Variants in NEK5 observed in about 807,000 individuals in gnomAD.
NEK5 encodes NIMA related kinase 5.
NEK5 carries 88 observed loss-of-function variants against 109.2 expected under a neutral mutation model. The ratio of observed to expected loss-of-function variants is 0.81; its 90% CI spans 0.68 to 0.96. The LOEUF is 0.96. Ranked by LOEUF, NEK5 falls within the 40% of genes least tolerant of loss-of-function variation. The pLI, the probability that NEK5 is intolerant of heterozygous loss-of-function variation, is 0.00. For missense variants in NEK5, 834 were observed against 920.7 expected (o/e 0.91, Z 1.22); for synonymous variants, 283 against 299.9 (o/e 0.94, Z 0.58).
intron 21 of NEK5, 54 bp downstream of exon 21, chr13:52,065,430 T>G: frequency 6.2e-7 from 1 of 1,613,286 alleles, no homozygotes; most frequent in South Asian, 1.1e-5. Flanking sequence ...AGCACTGGGC[T>G]GTACGGGTCC....
chr13:52,062,509 C>T lies in NEK5; in HGVS notation c.1976-556G>A, dbSNP rs184429843. On this transcript the variant is annotated intron_variant, in intron 21 of 23. Coordinates refer to ENST00000684899, the MANE Select transcript of NEK5 (RefSeq NM_001365552.1). ...GATCTTGGCTCACTGCAACCTCCGC[C>T]GCCCAGGTTCAAGCAATTCTCCTGC... is the stretch of plus-strand genomic sequence containing the variant. Among the ~76,000 whole-genome samples, 364 of 151,968 alleles carry T rather than the reference C, an allele frequency of 2.4e-3. 1 individual carries two copies. The highest frequency in any genetic ancestry group is 3.8e-3 in the Non-Finnish European group (255 of 67,954).
chr13:52,076,346 T>A (rs1954869011), intron 17 of NEK5, among the ~76,000 whole-genome samples: 1 of 152,226 alleles, frequency 6.6e-6, no homozygotes, highest in African/African-American at 2.4e-5. Context: ...GGTGGAATTC[T>A]ATAATGTGAC....
chr13:52,067,591 G>A (rs1014582425), intron 20 of NEK5, among the ~76,000 whole-genome samples: 8 of 151,932 alleles, frequency 5.3e-5, no homozygotes, highest in African/African-American at 1.9e-4. Flanking sequence ...GCATACTTTG[G>A]ACTGTGAGCC....
intron 7 of NEK5, 43 bp from the exon 8 acceptor site, chr13:52,108,447 T>C (rs757621586): frequency 7.8e-7 from 1 of 1,285,048 alleles, no homozygotes. Context: ...GATTTTTTAT[T>C]GGAGTAAGAA....
chr13:52,034,508 T>C lies in NEK5; in HGVS notation c.*2440A>G, dbSNP rs1954339946. 1 of 147,904 alleles carries C rather than the reference T, an allele frequency of 6.8e-6. No individual in the cohort carries two copies. Among genetic ancestry groups the C allele is most frequent in the Non-Finnish European group, 1.5e-5 (1 of 67,016 alleles). The allele number at this position is 147,904 out of a possible 1,614,324, so 9.2% of individuals were successfully genotyped here. On this transcript the variant is annotated 3_prime_UTR_variant, in exon 24 of 24. Transcript: ENST00000684899. Reference sequence around the variant, plus strand: ...CAAACCCGATAACCTGACATGCTTTTTTTTTTTTTTTTTTTTTTTGAGACA... The same window carrying C: ...CAAACCCGATAACCTGACATGCTTTCTTTTTTTTTTTTTTTTTTTGAGACA...
At chr13:52,048,779 C>A (rs4943055) in intron 23 of NEK5, among the ~76,000 whole-genome samples, 2,374 of 152,252 alleles carry the variant, frequency 0.016, 69 homozygotes, top group Admixed American at 0.08. Context: ...CAATCGAACT[C>A]ATAGAAGCAG....
chr13:52,063,221 C>T (rs1056008909), intron 21 of NEK5, among the ~76,000 whole-genome samples: 1 of 152,224 alleles, frequency 6.6e-6, no homozygotes, highest in East Asian at 1.9e-4. Context: ...TACAGACACG[C>T]GTCGCCACGC....
chr13:52,082,579 A>G (rs1045689231), intron 17 of NEK5, among the ~76,000 whole-genome samples: 2 of 152,216 alleles, frequency 1.3e-5, no homozygotes, highest in Non-Finnish European at 2.9e-5. Context: ...CAGAAGGGAA[A>G]AAAACTCTCT....
chr13:52,055,114 G>T (rs1262739001), intron 22 of NEK5, among the ~76,000 whole-genome samples: 1 of 152,072 alleles, frequency 6.6e-6, no homozygotes, highest in Non-Finnish European at 1.5e-5. Flanking sequence ...AGGAGCTGAT[G>T]GAGCTGAAAA....
At chr13:52,125,911 T>C (rs533212031) in intron 3 of NEK5, among the ~76,000 whole-genome samples, 74 of 152,188 alleles carry the variant, frequency 4.9e-4, no homozygotes, top group African/African-American at 1.4e-4. Flanking sequence ...GAGACCTATA[T>C]TGGGAAATAA....
rs1217396186 is a variant in NEK5 at position 52,104,520 on chromosome 13, T to C, written c.587A>G (p.Glu196Gly). The change falls in exon 9 of 24, where the codon GAG (glutamate) becomes GGG (glycine). Residue 196 changes from glutamate (E) to glycine (G), a missense_variant. By Grantham distance (98) the Glu-to-Gly change is moderately conservative. This residue lies in a region of NEK5 where 777 missense variants were observed against 824.7 expected (regional missense o/e 0.94). Transcript: ENST00000684899. ...DIWSLGCVLY[E>G]LCTLKHPFEG... is the part of the protein sequence containing the mutation. ...TACAGGATGTTTAAGTGTGCAGAGC[T>C]CATATAAGACACAGCCAAGAGACCA... 2 of 1,606,934 alleles carry C rather than the reference T, an allele frequency of 1.2e-6. No homozygotes were observed. The highest frequency in any genetic ancestry group is 2.2e-5 in the East Asian group (1 of 44,752).
chr13:52,111,282 G>C (rs1286450749), intron 5 of NEK5, among the ~76,000 whole-genome samples: 1 of 152,058 alleles, frequency 6.6e-6, no homozygotes, highest in Non-Finnish European at 1.5e-5. Context: ...CTATATTCCA[G>C]ACATTAATAT....
chr13:52,063,039 C>A (rs1426647274), intron 21 of NEK5, among the ~76,000 whole-genome samples: 5 of 151,166 alleles, frequency 3.3e-5, no homozygotes, highest in Admixed American at 2.6e-4. Flanking sequence ...CTCTCCCTCT[C>A]CCCACGGTCC....
intron 22 of NEK5, among the ~76,000 whole-genome samples, chr13:52,057,229 T>G (rs200337772): frequency 1.6e-4 from 24 of 149,330 alleles, no homozygotes; most frequent in African/African-American, 2.7e-4. Context: ...ACACATACAC[T>G]CTCCCAAGAC....
rs1476875180 is a variant in NEK5 at position 52,034,444 on chromosome 13, A to ATAGAC, written c.*2499_*2503dup. On this transcript the variant is annotated 3_prime_UTR_variant, in exon 24 of 24. Transcript: ENST00000684899. ...TAAAGCTTGGTGACTATTACCTAAA[A>ATAGAC]TAGACTAGACTTTAGCCAAGCATCT... The ATAGAC allele has an allele frequency of 6.6e-6, 1 of 152,082 alleles. No homozygotes were observed. Among genetic ancestry groups the ATAGAC allele is most frequent in the African/African-American group, 2.4e-5 (1 of 41,388 alleles). 9.4% of individuals were successfully genotyped at this position (152,082 alleles called of 1,614,324 possible).
At chr13:52,111,874 G>A (rs558320116) in intron 5 of NEK5, among the ~76,000 whole-genome samples, 65 of 152,200 alleles carry the variant, frequency 4.3e-4, no homozygotes, top group Non-Finnish European at 8.4e-4. Flanking sequence ...CTAGCAAAGT[G>A]GGATATCTAG....
chr13:52,092,824 TGCA>T (rs1295058892), intron 13 of NEK5, among the ~76,000 whole-genome samples: 1 of 152,184 alleles, frequency 6.6e-6, no homozygotes, highest in African/African-American at 2.4e-5. Flanking sequence ...AGGCAGAGGT[TGCA>T]GTGAGCTGAG....
chr13:52,074,203 A>C (rs905350698), intron 19 of NEK5, among the ~76,000 whole-genome samples: 8 of 152,186 alleles, frequency 5.3e-5, no homozygotes, highest in African/African-American at 1.9e-4. Flanking sequence ...GAACAACGCC[A>C]GAGTCGTCAC....
At chr13:52,076,901 A>C (rs1412569406) in intron 17 of NEK5, among the ~76,000 whole-genome samples, 2 of 152,232 alleles carry the variant, frequency 1.3e-5, no homozygotes, top group Non-Finnish European at 2.9e-5. Context: ...CCCTGCTGAC[A>C]CGAAAATTAC....
Sources: allele counts gnomAD v4.1 joint callset (sites outside exome capture counted in the v4.1 genomes callset), GRCh38; gene constraint gnomAD v4.1.1; regional missense constraint gnomAD v4.1.1; transcripts MANE v1.5; gene names NCBI Gene and HGNC (gene_info 2026-07-23, HGNC 2026-07-21).